IGSF11: variants seen among roughly 807,000 people sequenced by gnomAD.
IGSF11 encodes the protein CXADR like 1.
In IGSF11, 22 loss-of-function variants were observed where a neutral mutation model predicts 41.0. That is an observed-to-expected ratio of 0.54 (90% CI 0.38 to 0.77). The LOEUF (loss-of-function observed/expected upper bound fraction) is 0.77. IGSF11 is among the 30% of genes least tolerant of loss of function. IGSF11 has a pLI of 0.00. For synonymous variants in IGSF11, 219 were observed against 201.3 expected, an observed-to-expected ratio of 1.09 and a Z score of -0.74; for missense variants, 444 against 530.8, an observed-to-expected ratio of 0.84 and a Z score of 1.61.
chr3:118,974,264 A>G (rs1014195453), intron 1 of IGSF11, among the ~76,000 whole-genome samples: 2 of 152,204 alleles, frequency 1.3e-5, no homozygotes, highest in African/African-American at 2.4e-5. Context: ...TATTTGAATA[A>G]AAAAGAGACG....
intron 1 of IGSF11, among the ~76,000 whole-genome samples, chr3:118,990,071 AAGTT>A (rs1300163003): frequency 6.6e-6 from 1 of 152,226 alleles, no homozygotes; most frequent in East Asian, 1.9e-4. Context: ...AAAGTGCAGA[AAGTT>A]AGGTTACAAA....
In IGSF11 at chr3:119,059,965, G is replaced by C. The variant is rs938578879; in HGVS notation, c.49+45179C>G. ...GAGATGAAAAAGAGTTCATTCCACT[G>C]TCCACTAACCAGAGACAGTTGTAGC... On this transcript the variant is annotated intron_variant, in intron 1 of 6. Coordinates refer to the IGSF11 transcript ENST00000354673. 3.9e-5 allele frequency among the ~76,000 whole-genome samples: 6 copies of C among 152,192 alleles called. No individual in the cohort carries two copies. In the East Asian group the frequency reaches 1.2e-3, roughly 29 times the overall value.
chr3:118,902,809 C>G lies in IGSF11; in HGVS notation c.1007G>C (p.Ser336Thr). 1 of 1,614,174 alleles carries G rather than the reference C, an allele frequency of 6.2e-7. No individual in the cohort carries two copies. The change falls in exon 7 of 7, where the codon AGC (serine) becomes ACC (threonine). Residue 336 changes from serine to threonine, a missense_variant. Transcript: ENST00000393775. The part of the protein sequence containing the change: ...PKVHRNTESV[S>T]HFSDLGQSFS... Reference sequence around the variant, plus strand: ...AGATTGGCCCAAGTCACTGAAGTGGCTGACTGACTCTGTGTTTCTATGAAC... The same window carrying G: ...AGATTGGCCCAAGTCACTGAAGTGGGTGACTGACTCTGTGTTTCTATGAAC...
chr3:118,933,818 C>T (rs1413637937), intron 1 of IGSF11, among the ~76,000 whole-genome samples: 1 of 152,168 alleles, frequency 6.6e-6, no homozygotes, highest in Admixed American at 6.5e-5. Context: ...ACTCCTTCTA[C>T]TTCCTGCTTC....
At chr3:118,957,179 A>G (rs1433264971) in intron 1 of IGSF11, among the ~76,000 whole-genome samples, 1 of 152,178 alleles carries the variant, frequency 6.6e-6, no homozygotes, top group Non-Finnish European at 1.5e-5. Context: ...CAAGAAAAAA[A>G]GGTGAATTCC....
intron 1 of IGSF11, among the ~76,000 whole-genome samples, chr3:119,067,637 A>AT (rs140118712): frequency 0.028 from 4,210 of 151,662 alleles, 177 homozygotes; most frequent in African/African-American, 0.096. Flanking sequence ...AAAACTTTAG[A>AT]TTTTTTTTTA....
intron 1 of IGSF11, among the ~76,000 whole-genome samples, chr3:119,114,977 AAGAGAGTAAAGGGGGAGG>A (rs2077235531): frequency 6.6e-6 from 1 of 152,176 alleles, no homozygotes; most frequent in Non-Finnish European, 1.5e-5. Flanking sequence ...GAGCAGGAGG[AAGAGAGTAAAGGGGGAGG>A]TGCTACACAC....
At chr3:119,000,489 T>G (rs972876451) in intron 1 of IGSF11, among the ~76,000 whole-genome samples, 1 of 151,768 alleles carries the variant, frequency 6.6e-6, no homozygotes. Context: ...GTCCTTCCAG[T>G]TGCTAGGACC....
At chr3:118,915,134 G>C (rs1048698230) in intron 4 of IGSF11, among the ~76,000 whole-genome samples, 1 of 119,710 alleles carries the variant, frequency 8.4e-6, no homozygotes, top group African/African-American at 4.0e-5. Context: ...ACCAAAAGTA[G>C]ATAAAACCAC....
chr3:119,127,496 A>G (rs984879535), intron 1 of IGSF11, among the ~76,000 whole-genome samples: 2 of 152,154 alleles, frequency 1.3e-5, no homozygotes, highest in African/African-American at 4.8e-5. Flanking sequence ...ATCTCCTGGG[A>G]AGATCCAGGA....
chr3:118,934,844 A>T lies in IGSF11; in HGVS notation c.53-4569T>A, dbSNP rs541090555. ...TCAAATCTGGCACATTTTACCAACT[A>T]AATTTCTCTTGACTCCTGGAATCTG... On this transcript the variant is annotated intron_variant, in intron 1 of 6. Coordinates refer to ENST00000393775, the MANE Select transcript of IGSF11 (RefSeq NM_001015887.3). Among the ~76,000 whole-genome samples the T allele has an allele frequency of 5.3e-5, 8 of 152,194 alleles. No homozygotes were observed. The South Asian group carries it at 1.5e-3, about 28-fold the overall frequency.
intron 1 of IGSF11, among the ~76,000 whole-genome samples, chr3:119,061,177 C>T (rs1349465313): frequency 1.3e-5 from 2 of 152,004 alleles, no homozygotes; most frequent in Non-Finnish European, 2.9e-5. Flanking sequence ...TTATTATTAC[C>T]AAAATCCACA....
At chr3:119,135,420 C>T (rs563341292) in intron 1 of IGSF11, among the ~76,000 whole-genome samples, 255 of 152,258 alleles carry the variant, frequency 1.7e-3, no homozygotes, top group African/African-American at 5.8e-3. Flanking sequence ...ACAGACACTT[C>T]GCAAAAGAAG....
chr3:119,089,836 C>T lies in IGSF11; in HGVS notation c.49+15308G>A, dbSNP rs150114750. Reference sequence around the variant, plus strand: ...GATTGAGAGTTCGAGACCAGCCCGGCCAACATGGCAAAACCCCATCTCTAC... The same window carrying T: ...GATTGAGAGTTCGAGACCAGCCCGGTCAACATGGCAAAACCCCATCTCTAC... On this transcript the variant is annotated intron_variant, in intron 1 of 6. Transcript: ENST00000354673. 7.2e-4 allele frequency among the ~76,000 whole-genome samples: 110 copies of T among 152,238 alleles called. 1 individual carries two copies. Among genetic ancestry groups the T allele is most frequent in the African/African-American group, 2.6e-3 (106 of 41,554 alleles).
chr3:118,910,989 TTC>T (rs1940198675), intron 4 of IGSF11, among the ~76,000 whole-genome samples: 1 of 152,110 alleles, frequency 6.6e-6, no homozygotes, highest in Non-Finnish European at 1.5e-5. Context: ...TGCTATGATT[TTC>T]TCTTTATATC....
intron 1 of IGSF11, among the ~76,000 whole-genome samples, chr3:119,098,609 C>T (rs188110061): frequency 5.3e-5 from 8 of 152,312 alleles, no homozygotes; most frequent in African/African-American, 1.9e-4. Flanking sequence ...GAAAATTGTT[C>T]TGCCATATAG....
At chr3:118,995,452 C>T (rs532952057) in intron 1 of IGSF11, among the ~76,000 whole-genome samples, 4 of 151,924 alleles carry the variant, frequency 2.6e-5, no homozygotes, top group South Asian at 2.1e-4. Context: ...TTAATAATAA[C>T]GGAAGACTGG....
At chr3:118,930,328 A>G in intron 1 of IGSF11, 53 bp from the exon 2 acceptor site, 1 of 1,527,470 alleles carries the variant, frequency 6.5e-7, no homozygotes. Flanking sequence ...CAACAGTCCA[A>G]ACTCCTTCAG....
intron 1 of IGSF11, among the ~76,000 whole-genome samples, chr3:119,114,750 G>A (rs1478430172): frequency 6.6e-6 from 1 of 152,042 alleles, no homozygotes; most frequent in African/African-American, 2.4e-5. Context: ...ACATTTTCAG[G>A]TATCTTTATA....
Sources: allele counts gnomAD v4.1 joint callset (sites outside exome capture counted in the v4.1 genomes callset), GRCh38; gene constraint gnomAD v4.1.1; transcripts MANE v1.5; gene names NCBI Gene and HGNC (gene_info 2026-07-23, HGNC 2026-07-21).